The following SCMH1 variants were observed in gnomAD, a reference collection of about 807,000 sequenced individuals.
SCMH1 encodes the protein Scm polycomb group protein homolog 1, also known as polycomb protein SCMH1.
SCMH1 carries 37 observed loss-of-function variants against 70.8 expected under a neutral mutation model. The observed-to-expected ratio is 0.52, with a 90% confidence interval of 0.40 to 0.69. The LOEUF (loss-of-function observed/expected upper bound fraction) is 0.69, where lower values mean the gene tolerates loss of function less well. Among genes scored for constraint, SCMH1 ranks in the 30% least tolerant of loss-of-function variants. SCMH1 has a pLI of 0.00. For synonymous variants in SCMH1, 292 were observed against 307.4 expected, an observed-to-expected ratio of 0.95 and a Z score of 0.52; for missense variants, 607 against 827.3, an observed-to-expected ratio of 0.73 and a Z score of 3.27.
At chr1:41,063,772 CAAG>C (rs1653639933) in intron 10 of SCMH1, among the ~76,000 whole-genome samples, 1 of 152,054 alleles carries the variant, frequency 6.6e-6, no homozygotes, top group Admixed American at 6.5e-5. Context: ...AAAACTCAAA[CAAG>C]AATAGACAAT....
chr1:41,046,384 C>G (rs1407889415), intron 12 of SCMH1, 23 bp downstream of exon 12: 1 of 1,609,810 alleles, frequency 6.2e-7, no homozygotes, highest in African/African-American at 1.3e-5. Flanking sequence ...CACTCTCAGC[C>G]CAGGCCCCAT....
intron 8 of SCMH1, among the ~76,000 whole-genome samples, chr1:41,097,872 T>C (rs541030185): frequency 3.7e-4 from 57 of 152,378 alleles, no homozygotes; most frequent in African/African-American, 1.3e-3. Context: ...TAATATTTTC[T>C]GTGTAAATTC....
intron 1 of SCMH1, among the ~76,000 whole-genome samples, chr1:41,241,182 G>A (rs969299525): frequency 2.6e-5 from 4 of 152,220 alleles, no homozygotes; most frequent in Non-Finnish European, 5.9e-5. Flanking sequence ...TTATCGGGGG[G>A]ATTTGGGGAT....
At chr1:41,207,222 C>T (rs1655765802) in intron 1 of SCMH1, among the ~76,000 whole-genome samples, 1 of 152,018 alleles carries the variant, frequency 6.6e-6, no homozygotes, top group Admixed American at 6.6e-5. Flanking sequence ...GCTAAATGCC[C>T]CAATTAAAAG....
rs575947656 is a variant in SCMH1 at position 41,131,487 on chromosome 1, T to G, written c.412+11391A>C. On this transcript the variant is annotated intron_variant, in intron 6 of 14. Transcript: ENST00000337495. ...TCAATTTGGAGAATATTACTGATAG[T>G]TAAGTGATTTGCAAACATTATCTCC... Among the ~76,000 whole-genome samples the G allele has an allele frequency of 1.2e-4, 19 of 152,302 alleles. No homozygotes were observed. The East Asian group carries it at 3.3e-3, about 26-fold the overall frequency.
At chr1:41,033,897 G>A in intron 13 of SCMH1, 86 bp downstream of exon 14, 2 of 1,594,706 alleles carry the variant, frequency 1.3e-6, no homozygotes, top group Admixed American at 1.7e-5. Flanking sequence ...TCTGAGGCCA[G>A]TGCCAGGAGG....
chr1:41,218,521 C>T (rs1373578778), intron 1 of SCMH1, among the ~76,000 whole-genome samples: 3 of 152,112 alleles, frequency 2.0e-5, no homozygotes, highest in African/African-American at 7.2e-5. Flanking sequence ...AGATTCTACC[C>T]AGAGTCTCTG....
intron 1 of SCMH1, among the ~76,000 whole-genome samples, chr1:41,210,139 T>C (rs1024299836): frequency 6.6e-6 from 1 of 152,068 alleles, no homozygotes; most frequent in Admixed American, 6.5e-5. Flanking sequence ...TACCTAGGAA[T>C]CCAACTTACA....
At chr1:41,186,064 T>C in intron 2 of SCMH1, 57 bp downstream of exon 2, 1 of 1,537,302 alleles carries the variant, frequency 6.5e-7, no homozygotes, top group Non-Finnish European at 8.8e-7. Flanking sequence ...TTAAAGCCAG[T>C]CCTTGCTAGG....
At chr1:41,060,487 G>C (rs1231182361) in intron 10 of SCMH1, among the ~76,000 whole-genome samples, 1 of 151,796 alleles carries the variant, frequency 6.6e-6, no homozygotes, top group Non-Finnish European at 1.5e-5. Context: ...AAAAATTGAG[G>C]GAGTGTGTTG....
intron 8 of SCMH1, among the ~76,000 whole-genome samples, chr1:41,092,755 AACAGAC>A (rs1222863416): frequency 6.6e-6 from 1 of 152,254 alleles, no homozygotes; most frequent in African/African-American, 2.4e-5. Flanking sequence ...TTATGCAGCC[AACAGAC>A]ACATGAAAAA....
chr1:41,193,040 T>A (rs941049799), intron 1 of SCMH1, among the ~76,000 whole-genome samples: 1 of 152,232 alleles, frequency 6.6e-6, no homozygotes, highest in Non-Finnish European at 1.5e-5. Context: ...CCAGTAAAAC[T>A]TTATTTACAA....
intron 8 of SCMH1, among the ~76,000 whole-genome samples, chr1:41,079,970 T>G (rs1049967073): frequency 2.0e-5 from 3 of 152,204 alleles, no homozygotes; most frequent in Non-Finnish European, 4.4e-5. Context: ...TTATTCCTAA[T>G]ACTGTATTTT....
intron 10 of SCMH1, among the ~76,000 whole-genome samples, chr1:41,062,738 C>CAGAA (rs1030448363): frequency 7.9e-6 from 1 of 126,170 alleles, no homozygotes; most frequent in African/African-American, 2.9e-5. Flanking sequence ...GACTCCATCT[C>CAGAA]AGAAAAAAAA....
chr1:41,214,631 A>G (rs1657717896), intron 1 of SCMH1, among the ~76,000 whole-genome samples: 4 of 152,176 alleles, frequency 2.6e-5, no homozygotes, highest in Admixed American at 2.0e-4. Flanking sequence ...TATTCTTATT[A>G]AATAGTTGCA....
intron 12 of SCMH1, among the ~76,000 whole-genome samples, chr1:41,039,410 A>G (rs1461218801): frequency 6.6e-6 from 1 of 152,178 alleles, no homozygotes; most frequent in Non-Finnish European, 1.5e-5. Flanking sequence ...GGGGGGTCCT[A>G]GTCCTGACAA....
At chr1:41,099,663 T>C (rs760896695) in intron 8 of SCMH1, among the ~76,000 whole-genome samples, 1 of 152,174 alleles carries the variant, frequency 6.6e-6, no homozygotes, top group Non-Finnish European at 1.5e-5. Flanking sequence ...GAGATAAAGT[T>C]TGAGAATGTG....
chr1:41,142,792 C>A, intron 6 of SCMH1, 86 bp downstream of exon 6: 1 of 1,165,690 alleles, frequency 8.6e-7, no homozygotes, highest in South Asian at 1.4e-5. Flanking sequence ...AGCTGGGTAC[C>A]CTAGGCTTTC....
In SCMH1 at chr1:41,186,855, T is replaced by A. The variant is rs553625534; in HGVS notation, c.-117-605A>T. Among the ~76,000 whole-genome samples, 35 of 152,274 alleles carry A rather than the reference T, an allele frequency of 2.3e-4. 1 individual carries two copies. The South Asian group carries it at 7.1e-3, about 31-fold the overall frequency. On this transcript the variant is annotated intron_variant, in intron 1 of 14. Coordinates refer to ENST00000337495, the Ensembl canonical transcript of SCMH1. ...TCATCTCTAGCCTCTGCCGCTAGCA[T>A]CCTGACACTGAACTTCCAGCCCCCA...
Sources: gnomAD v4.1 joint callset for allele counts (sites outside exome capture counted in the v4.1 genomes callset) on GRCh38, gnomAD v4.1.1 for gene constraint, MANE v1.5 for transcripts, NCBI Gene and HGNC (gene_info 2026-07-23, HGNC 2026-07-21) for gene names.